Variants in FCRL5 observed in about 807,000 individuals in gnomAD.
FCRL5 encodes the protein Fc receptor like 5.
A neutral mutation model predicts 92.1 loss-of-function variants in FCRL5; 79 were observed. The ratio of observed to expected loss-of-function variants is 0.86; its 90% CI spans 0.72 to 1.03. The LOEUF (loss-of-function observed/expected upper bound fraction) is 1.03, where lower values mean the gene tolerates loss of function less well. Ranked by LOEUF, FCRL5 falls within the 50% of genes least tolerant of loss-of-function variation. The probability of loss-of-function intolerance (pLI) is 0.00; values close to 1 mark genes in which losing one functional copy is unlikely to be tolerated. For missense variants in FCRL5, 1,160 were observed against 1,181.1 expected (o/e 0.98, Z 0.26); for synonymous variants, 466 against 469.3 (o/e 0.99, Z 0.09).
chr1:157,540,079 T>C (rs1420888010), intron 6 of FCRL5, among the ~76,000 whole-genome samples: 1 of 152,178 alleles, frequency 6.6e-6, no homozygotes, highest in Non-Finnish European at 1.5e-5. Flanking sequence ...GGTTCACAGA[T>C]TCAATGTTTC....
chr1:157,545,054 A>T lies in FCRL5; in HGVS notation c.336T>A (p.Ser112=). 1 of 1,612,790 alleles carries T rather than the reference A, an allele frequency of 6.2e-7. No individual in the cohort carries two copies. Among genetic ancestry groups the T allele is most frequent in the East Asian group, 2.2e-5 (1 of 44,882 alleles). ...SASLILQAPL[S]VFEGDSVVLR... is the part of the protein sequence containing the mutation. ...GAACCACAGAGTCTCCTTCAAACACAGAAAGTGGAGCTTGCAGGATCAGCG... is the reference window on the plus strand; with the variant it reads ...GAACCACAGAGTCTCCTTCAAACACTGAAAGTGGAGCTTGCAGGATCAGCG... Residue 112 remains serine, a synonymous_variant, in exon 4 of 17, where the codon TCT becomes TCA. Transcript: ENST00000361835.
intron 8 of FCRL5, among the ~76,000 whole-genome samples, chr1:157,529,963 A>T (rs916810835): frequency 6.6e-6 from 1 of 152,196 alleles, no homozygotes; most frequent in Non-Finnish European, 1.5e-5. Context: ...AACTACTGAA[A>T]TTTTTTTAAA....
chr1:157,519,906 G>C, intron 12 of FCRL5, 136 bp from the exon 13 acceptor site: 1 of 896,666 alleles, frequency 1.1e-6, no homozygotes, highest in East Asian at 2.6e-5. Flanking sequence ...TATGCCCCAG[G>C]GAGGTAGCAG....
Position 157,539,124 on chromosome 1 carries a change from C to T in FCRL5, c.1364G>A (p.Gly455Asp). 2 of 1,614,048 alleles carry T rather than the reference C, an allele frequency of 1.2e-6. No individual in the cohort carries two copies. The highest frequency in any genetic ancestry group is 1.7e-6 in the Non-Finnish European group (2 of 1,179,978). Residue 455 changes from glycine (G) to aspartate (D), a missense_variant, in exon 7 of 17, where the codon GGC becomes GAC. Coordinates refer to ENST00000361835, the MANE Select transcript of FCRL5 (RefSeq NM_031281.3). The stretch of plus-strand genomic sequence containing the variant: ...GCTCACCGCCTTACTGCGCTGGGGG[C>T]CAAAGCCATTGTCAGCTGTGCAGTA... ...NYYCTADNGF[G>D]PQRSKAVSLS... is the part of the protein sequence containing the mutation.
intron 9 of FCRL5, among the ~76,000 whole-genome samples, chr1:157,524,966 T>C (rs1650363677): frequency 6.6e-6 from 1 of 152,210 alleles, no homozygotes; most frequent in Non-Finnish European, 1.5e-5. Context: ...TGTCAAGTTA[T>C]TTGCTCATTT....
At chr1:157,530,517 C>T (rs538947432) in intron 8 of FCRL5, among the ~76,000 whole-genome samples, 7 of 152,276 alleles carry the variant, frequency 4.6e-5, no homozygotes, top group Admixed American at 3.9e-4. Flanking sequence ...CAGGCATGCA[C>T]GACCATACCC....
chr1:157,547,417 G>T (rs779559516), intron 2 of FCRL5: 9 of 742,156 alleles, frequency 1.2e-5, no homozygotes, highest in South Asian at 9.8e-5. Context: ...GATTTCAGGA[G>T]GGTGACACCA....
At chr1:157,546,524 A>G (rs1424361970) in intron 3 of FCRL5, among the ~76,000 whole-genome samples, 1 of 148,324 alleles carries the variant, frequency 6.7e-6, no homozygotes, top group Non-Finnish European at 1.5e-5. Flanking sequence ...TAGATTCAGG[A>G]ACCACTCAAA....
intron 5 of FCRL5, among the ~76,000 whole-genome samples, chr1:157,543,818 T>C (rs1651387336): frequency 6.6e-6 from 1 of 152,166 alleles, no homozygotes; most frequent in Non-Finnish European, 1.5e-5. Flanking sequence ...CAGAGTCACA[T>C]ATTTGGAGTA....
rs191536282 is a variant in FCRL5, at chr1:157,516,089, C to T, written c.2813-216G>A. The T allele has an allele frequency of 3.3e-3, 2,121 of 633,298 alleles. 4 individuals are homozygous for T. The highest frequency in any genetic ancestry group is 4.9e-3 in the Non-Finnish European group (1,737 of 351,442). 39.2% of individuals were successfully genotyped at this position (633,298 alleles called of 1,614,324 possible). A position where few individuals can be genotyped will look rare whatever the true frequency, so the allele number is the denominator to read the frequency against. ...AGACCCTCTCTTCAACTCCCCTTCACACTTTGTGGCCCACTCTGAGCTGCC... is the reference window on the plus strand; with the variant it reads ...AGACCCTCTCTTCAACTCCCCTTCATACTTTGTGGCCCACTCTGAGCTGCC... On this transcript the variant is annotated intron_variant, in intron 15 of 16. Coordinates refer to ENST00000361835, the MANE Select transcript of FCRL5 (RefSeq NM_031281.3).
chr1:157,524,670 A>G (rs1490008276), intron 9 of FCRL5, 113 bp from the exon 10 acceptor site: 2 of 1,206,258 alleles, frequency 1.7e-6, no homozygotes, highest in East Asian at 5.0e-5. Flanking sequence ...CCCTTGTGAC[A>G]TTACTCAAAA....
In FCRL5 at chr1:157,521,056, C is replaced by G; in HGVS notation, c.2476G>C (p.Gly826Arg). 1.9e-6 allele frequency: 3 copies of G among 1,613,804 alleles called. No homozygotes were observed. The highest frequency in any genetic ancestry group is 1.7e-6 in the Non-Finnish European group (2 of 1,179,864). ...NYSCEADNGL[G>R]AQRSETVTLY... Reference sequence around the variant, plus strand: ...GTCACTGTCTCACTGCGCTGGGCCCCGAGGCCATTGTCGGCCTCACAGGAG... The same window carrying G: ...GTCACTGTCTCACTGCGCTGGGCCCGGAGGCCATTGTCGGCCTCACAGGAG... Residue 826 changes from glycine (G) to arginine (R), a missense_variant, in exon 11 of 17, where the codon GGG becomes CGG. Transcript: ENST00000361835.
In FCRL5 at chr1:157,520,553, G is replaced by C. The variant is rs763882863; in HGVS notation, c.2516-6C>G. The C allele has an allele frequency of 1.9e-6, 3 of 1,582,064 alleles. No individual in the cohort carries two copies. The highest frequency in any genetic ancestry group is 1.8e-5 in the Admixed American group (1 of 56,212). On this transcript the variant is annotated splice_region_variant and splice_polypyrimidine_tract_variant and intron_variant, in intron 11 of 16. Coordinates refer to ENST00000361835, the MANE Select transcript of FCRL5 (RefSeq NM_031281.3). Reference sequence around the variant, plus strand: ...ACTTCTGTTCGCGGTCAGCCCTGAGGGGGAGACCCTGTGTGTGAGCCAGAG... The same window carrying C: ...ACTTCTGTTCGCGGTCAGCCCTGAGCGGGAGACCCTGTGTGTGAGCCAGAG...
intron 6 of FCRL5, among the ~76,000 whole-genome samples, chr1:157,540,601 G>A (rs1972238): frequency 0.89 from 134,778 of 152,022 alleles, 59,805 homozygotes; most frequent in East Asian, 1. Context: ...CGGTTTCTCC[G>A]CCTTTCTGTA....
At chr1:157,525,112 T>C (rs1275874338) in intron 9 of FCRL5, among the ~76,000 whole-genome samples, 1 of 152,212 alleles carries the variant, frequency 6.6e-6, no homozygotes, top group East Asian at 1.9e-4. Flanking sequence ...GAGAAAGACA[T>C]AGTTACTGCT....
At chr1:157,523,312 CCTT>C (rs1391453983) in intron 10 of FCRL5, among the ~76,000 whole-genome samples, 3 of 152,198 alleles carry the variant, frequency 2.0e-5, no homozygotes, top group East Asian at 3.9e-4. Flanking sequence ...TTGCATATCT[CCTT>C]CTAGGAACCT....
At chr1:157,525,368 T>G (rs1650381781) in intron 9 of FCRL5, among the ~76,000 whole-genome samples, 2 of 152,214 alleles carry the variant, frequency 1.3e-5, no homozygotes, top group African/African-American at 4.8e-5. Flanking sequence ...GGAATAAGAC[T>G]GGCACATTTG....
chr1:157,517,385 C>A (rs1210672566), intron 15 of FCRL5, among the ~76,000 whole-genome samples: 3 of 152,166 alleles, frequency 2.0e-5, no homozygotes, highest in African/African-American at 7.2e-5. Flanking sequence ...CTATATTACC[C>A]TAAGTGGAAA....
chr1:157,548,206 G>T (rs751477703), intron 2 of FCRL5, among the ~76,000 whole-genome samples: 5 of 152,242 alleles, frequency 3.3e-5, no homozygotes, highest in Non-Finnish European at 5.9e-5. Flanking sequence ...CCCAGGGAGG[G>T]TCAGAGGGTG....
Sources: gnomAD v4.1 joint callset for allele counts (sites outside exome capture counted in the v4.1 genomes callset) on GRCh38, gnomAD v4.1.1 for gene constraint, MANE v1.5 for transcripts, NCBI Gene and HGNC (gene_info 2026-07-23, HGNC 2026-07-21) for gene names.